The following ZC3HAV1L variants were observed in gnomAD, a reference collection of about 807,000 sequenced individuals.
ZC3HAV1L encodes zinc finger CCCH-type antiviral protein 1-like.
ZC3HAV1L carries 23 observed loss-of-function variants against 28.2 expected under a neutral mutation model. The observed-to-expected ratio is 0.82, with a 90% CI of 0.59 to 1.16. The LOEUF (loss-of-function observed/expected upper bound fraction) is 1.16. Among genes scored for constraint, ZC3HAV1L ranks in the 50% most tolerant of loss-of-function variants. ZC3HAV1L has a pLI of 0.00. For missense variants in ZC3HAV1L, 376 were observed against 387.7 expected (o/e 0.97, Z 0.25); for synonymous variants, 180 against 163.4 (o/e 1.10, Z -0.78).
In ZC3HAV1L at chr7:139,028,779, T is replaced by C. The variant is rs762811524; in HGVS notation, c.683A>G (p.Asn228Ser). The C allele has an allele frequency of 1.2e-6, 2 of 1,614,200 alleles. No individual in the cohort carries two copies. Among genetic ancestry groups the C allele is most frequent in the East Asian group, 2.2e-5 (1 of 44,882 alleles). ...SLKLLQDQGL[N>S]IPSVVNFQII... ...CTGAAAATTAACAACACTTGGAATATTCAGTCCTTGGTCCTGTAGCAGCTT... is the reference window on the plus strand; with the variant it reads ...CTGAAAATTAACAACACTTGGAATACTCAGTCCTTGGTCCTGTAGCAGCTT... Residue 228 changes from asparagine to serine, a missense_variant, in exon 3 of 5, where the codon AAT (asparagine) becomes AGT (serine). Coordinates refer to ENST00000275766, the MANE Select transcript of ZC3HAV1L (RefSeq NM_080660.4).
At position 139,035,886 on chromosome 7, in the gene ZC3HAV1L, G is replaced by A. The variant is rs1483273820; in HGVS notation, c.132C>T (p.Ala44=). Residue 44 remains alanine (A), a synonymous_variant, in exon 1 of 5, where the codon GCC becomes GCT. Coordinates refer to ENST00000275766, the MANE Select transcript of ZC3HAV1L (RefSeq NM_080660.4). ...EARLRDVLQR[A]GPERFLLQEV... is the part of the protein sequence containing the mutation. ...CCTGCAGCAGGAAACGCTCGGGCCC[G>A]GCGCGCTGCAGCACGTCCCGGAGCC... is the stretch of plus-strand genomic sequence containing the variant. 5 of 1,513,718 alleles carry A rather than the reference G, an allele frequency of 3.3e-6. No homozygotes were observed. The highest frequency in any genetic ancestry group is 4.4e-6 in the Non-Finnish European group (5 of 1,138,724). The allele number at this position is 1,513,718 out of a possible 1,614,324, so 93.8% of individuals were successfully genotyped here.
Position 139,035,674 on chromosome 7 carries a change from T to A in ZC3HAV1L, c.344A>T (p.Lys115Met). 2 of 1,468,776 alleles carry A rather than the reference T, an allele frequency of 1.4e-6. No individual in the cohort carries two copies. Among genetic ancestry groups the A allele is most frequent in the Non-Finnish European group, 1.8e-6 (2 of 1,119,762 alleles). The allele number at this position is 1,468,776 out of a possible 1,614,324, so 91.0% of individuals were successfully genotyped here. Residue 115 changes from lysine (K) to methionine (M), a missense_variant, in exon 1 of 5, where the codon AAG (lysine) becomes ATG (methionine). By Grantham distance (95) the Lys-to-Met change is moderately conservative. Coordinates refer to ENST00000275766, the MANE Select transcript of ZC3HAV1L (RefSeq NM_080660.4). The part of the protein sequence containing the change: ...LHFCRRHMLG[K>M]CPNRDCWSTC... Reference sequence around the variant, plus strand: ...TCACCAGCAGTCCCGGTTGGGGCACTTGCCCAGCATGTGCCGGCGGCAGAA... The same window carrying A: ...TCACCAGCAGTCCCGGTTGGGGCACATGCCCAGCATGTGCCGGCGGCAGAA...
intron 2 of ZC3HAV1L, chr7:139,033,743 T>C: frequency 1.0e-6 from 1 of 985,408 alleles, no homozygotes; most frequent in Non-Finnish European, 1.2e-6. Flanking sequence ...TAAACTTCTA[T>C]AAATCAAAAA....
At chr7:139,030,173 C>T (rs148214014) in intron 2 of ZC3HAV1L, among the ~76,000 whole-genome samples, 3,630 of 152,236 alleles carry the variant, frequency 0.024, 126 homozygotes, top group African/African-American at 0.083. Context: ...TGGCTGGGCG[C>T]GGTGCCTCAC....
At chr7:139,023,191 A>AAAAC (rs1156564564), downstream of ZC3HAV1L, among the ~76,000 whole-genome samples, 418 of 151,490 alleles carry the variant, frequency 2.8e-3, 6 homozygotes, top group Non-Finnish European at 4.6e-3. Flanking sequence ...AGAAAAAAAA[A>AAAAC]AAAAAAAAAA....
chr7:139,021,799 A>G (rs1815252517), downstream of ZC3HAV1L, among the ~76,000 whole-genome samples: 2 of 151,874 alleles, frequency 1.3e-5, no homozygotes, highest in Non-Finnish European at 2.9e-5. Context: ...TTAACTTCAT[A>G]TGTAATGAAA....
At chr7:139,033,945 C>T in intron 2 of ZC3HAV1L, 1 of 985,358 alleles carries the variant, frequency 1.0e-6, no homozygotes, top group Non-Finnish European at 1.2e-6. Context: ...CCGTGACATA[C>T]CAGACTTGGC....
rs923835216 is a variant in ZC3HAV1L at position 139,026,463 on chromosome 7, G to A, written c.*81C>T. ...ACTCAATTTTAGCCTCTCTTTGCCTGTTCAATGTCCCACCCCATCCCCAAC... is the reference window on the plus strand; with the variant it reads ...ACTCAATTTTAGCCTCTCTTTGCCTATTCAATGTCCCACCCCATCCCCAAC... On this transcript the variant is annotated 3_prime_UTR_variant, in exon 5 of 5. Transcript: ENST00000275766. The A allele has an allele frequency of 1.1e-5, 17 of 1,585,600 alleles. No individual in the cohort carries two copies. Among genetic ancestry groups the A allele is most frequent in the Non-Finnish European group, 1.4e-5 (16 of 1,168,756 alleles).
At position 139,035,992 on chromosome 7, in the gene ZC3HAV1L, A is replaced by C. The variant is rs1003422063; in HGVS notation, c.26T>G (p.Phe9Cys). The change falls in exon 1 of 5, where the codon TTC becomes TGC. Residue 9 changes from phenylalanine (F) to cysteine (C), a missense_variant. Physicochemically the swap from Phe to Cys is radical, Grantham distance 205 (BLOSUM62 -2). Transcript: ENST00000275766. MAEPTVCS[F>C]LTKVLCAHGG... is the part of the protein sequence containing the mutation. Reference sequence around the variant, plus strand: ...GTGGGCGCACAGCACCTTGGTGAGGAAGGAGCACACTGTGGGCTCCGCCAT... The same window carrying C: ...GTGGGCGCACAGCACCTTGGTGAGGCAGGAGCACACTGTGGGCTCCGCCAT... The C allele has an allele frequency of 2.0e-6, 3 of 1,523,294 alleles. No homozygotes were observed. In the African/African-American group the frequency reaches 4.3e-5, roughly 22 times the overall value. 94.4% of individuals were successfully genotyped at this position (1,523,294 alleles called of 1,614,324 possible). A position where few individuals can be genotyped will look rare whatever the true frequency, so the allele number is the denominator to read the frequency against.
downstream of ZC3HAV1L, among the ~76,000 whole-genome samples, chr7:139,022,191 A>G (rs1382508058): frequency 2.0e-5 from 3 of 152,210 alleles, no homozygotes; most frequent in Non-Finnish European, 4.4e-5. Flanking sequence ...CTGAAGCACT[A>G]AAAACATGTT....
chr7:139,031,682 A>G (rs932591882), intron 2 of ZC3HAV1L, among the ~76,000 whole-genome samples: 2 of 152,200 alleles, frequency 1.3e-5, no homozygotes, highest in Non-Finnish European at 2.9e-5. Flanking sequence ...AGGTGGGCGG[A>G]TCACTTGAGG....
chr7:139,035,467 C>T, intron 1 of ZC3HAV1L, 186 bp downstream of exon 1: 16 of 985,406 alleles, frequency 1.6e-5, no homozygotes, highest in Non-Finnish European at 1.9e-5. Context: ...ACCTTCGCGC[C>T]TTTCCGCCCA....
intron 2 of ZC3HAV1L, 43 bp downstream of exon 2, chr7:139,034,500 C>A: frequency 6.2e-7 from 1 of 1,603,070 alleles, no homozygotes; most frequent in East Asian, 2.2e-5. Flanking sequence ...GGGGAAAGTA[C>A]TTGTAGCAAA....
downstream of ZC3HAV1L, among the ~76,000 whole-genome samples, chr7:139,024,062 T>G (rs1236910248): frequency 6.6e-6 from 1 of 152,170 alleles, no homozygotes; most frequent in East Asian, 1.9e-4. Flanking sequence ...TAAAGGAAAA[T>G]TCATAATTCA....
At position 139,030,800 on chromosome 7, in the gene ZC3HAV1L, C is replaced by A. The variant is rs185225938; in HGVS notation, c.502-1840G>T. On this transcript the variant is annotated intron_variant, in intron 2 of 4. Coordinates refer to ENST00000275766, the MANE Select transcript of ZC3HAV1L (RefSeq NM_080660.4). ...CGCCACTGCACTCCAGGCTGGACGA[C>A]AGAGTGAGTCTCCATCTCAAAAAAT... Among the ~76,000 whole-genome samples, 346 of 151,524 alleles carry A rather than the reference C, an allele frequency of 2.3e-3. 1 individual carries two copies. The highest frequency in any genetic ancestry group is 8.1e-3 in the African/African-American group (334 of 41,262).
At chr7:139,034,829 T>C (rs1815650754) in intron 1 of ZC3HAV1L, 151 bp from the exon 2 acceptor site, 5 of 1,386,318 alleles carry the variant, frequency 3.6e-6, no homozygotes, top group Non-Finnish European at 3.7e-6. Context: ...TAAGCACTGA[T>C]GGAAAATAAG....
downstream of ZC3HAV1L, among the ~76,000 whole-genome samples, chr7:139,025,241 G>A (rs1457383513): frequency 1.3e-5 from 2 of 152,280 alleles, no homozygotes; most frequent in East Asian, 3.9e-4. Flanking sequence ...CTGAGGTCAG[G>A]AGTTTGAGAC....
chr7:139,022,947 G>A (rs1016909504), downstream of ZC3HAV1L, among the ~76,000 whole-genome samples: 1 of 152,130 alleles, frequency 6.6e-6, no homozygotes, highest in Non-Finnish European at 1.5e-5. Context: ...GGGCGAGGTG[G>A]GTGGATCACT....
intron 3 of ZC3HAV1L, among the ~76,000 whole-genome samples, chr7:139,027,482 G>C (rs1815389243): frequency 2.0e-5 from 3 of 152,142 alleles, no homozygotes; most frequent in Admixed American, 2.0e-4. Flanking sequence ...AAACCAGCCT[G>C]GTCAACATAG....
Sources: allele counts gnomAD v4.1 joint callset (sites outside exome capture counted in the v4.1 genomes callset), GRCh38; gene constraint gnomAD v4.1.1; transcripts MANE v1.5; gene names NCBI Gene and HGNC (gene_info 2026-07-23, HGNC 2026-07-21).